The following FGFR1 variants were observed in gnomAD, a reference collection of about 807,000 sequenced individuals.
FGFR1 encodes fibroblast growth factor receptor 1.
In FGFR1, 18 loss-of-function variants were observed where a neutral mutation model predicts 93.7. The observed-to-expected ratio is 0.19, with a 90% CI of 0.13 to 0.28. The LOEUF (loss-of-function observed/expected upper bound fraction) is 0.28. Ranked by LOEUF, FGFR1 falls within the 10% of genes least tolerant of loss-of-function variation. The pLI is 1.00. For synonymous variants in FGFR1, 448 were observed against 429.3 expected, an observed-to-expected ratio of 1.04 and a Z score of -0.54; for missense variants, 731 against 1,080.4, an observed-to-expected ratio of 0.68 and a Z score of 4.53.
At chr8:38,456,906 A>G (rs554976692) in intron 2 of FGFR1, among the ~76,000 whole-genome samples, 6 of 152,230 alleles carry the variant, frequency 3.9e-5, no homozygotes, top group Admixed American at 3.9e-4. Flanking sequence ...TGGAAGTCAG[A>G]GGTCTTTAGC....
intron 1 of FGFR1, among the ~76,000 whole-genome samples, chr8:38,458,473 G>A (rs1833500102): frequency 6.6e-6 from 1 of 152,048 alleles, no homozygotes; most frequent in African/African-American, 2.4e-5. Context: ...CTCAGGAGGC[G>A]GAGGTTGCAG....
At position 38,417,900 on chromosome 8, in the gene FGFR1, C is replaced by T. The variant is rs1817274467; in HGVS notation, c.1522G>A (p.Val508Met). The change falls in exon 11 of 18, where the codon GTG becomes ATG. Residue 508 changes from valine to methionine, a missense_variant. By Grantham distance (21) the Val-to-Met change is conservative. Around this residue, in one of 10 missense-constraint regions of FGFR1, gnomAD observed 62 missense variants for 99.5 expected, o/e 0.62. Transcript: ENST00000447712. ...IGLDKDKPNR[V>M]TKVAVKMLKS... Reference sequence around the variant, plus strand: ...AACATCTTCACAGCCACTTTGGTCACACGGTTGGGTTTGTCCTTGTCCAGC... The same window carrying T: ...AACATCTTCACAGCCACTTTGGTCATACGGTTGGGTTTGTCCTTGTCCAGC... 4.3e-6 allele frequency: 7 copies of T among 1,614,228 alleles called. No homozygotes were observed. Among genetic ancestry groups the T allele is most frequent in the Non-Finnish European group, 5.9e-6 (7 of 1,180,042 alleles).
At chr8:38,428,226 T>G (rs1821481589) in intron 4 of FGFR1, 120 bp downstream of exon 4, 12 of 1,465,844 alleles carry the variant, frequency 8.2e-6, no homozygotes, top group Non-Finnish European at 1.1e-5. Flanking sequence ...GCCTGGCACT[T>G]AGCAGAACAG....
Position 38,417,400 on chromosome 8 carries a change from T to C in FGFR1, c.1569A>G (p.Lys523=), listed in dbSNP as rs1817056486. The change falls in exon 12 of 18, where the codon AAA becomes AAG. Residue 523 remains lysine, a synonymous_variant. Coordinates refer to ENST00000447712, the MANE Select transcript of FGFR1 (RefSeq NM_023110.3). ...TTTCTGAGATCAGGTCTGACAAGTC[T>C]TTCTCTGTTGCGTCCGCTTTAAAGA... ...VKMLKSDATE[K]DLSDLISEME... 3 of 1,613,880 alleles carry C rather than the reference T, an allele frequency of 1.9e-6. No individual in the cohort carries two copies. The highest frequency in any genetic ancestry group is 2.5e-6 in the Non-Finnish European group (3 of 1,180,008).
At chr8:38,442,076 CG>C (rs1293867141) in intron 2 of FGFR1, among the ~76,000 whole-genome samples, 1 of 152,090 alleles carries the variant, frequency 6.6e-6, no homozygotes, top group Non-Finnish European at 1.5e-5. Flanking sequence ...GCAACTGCCC[CG>C]GATACCCTGG....
intron 2 of FGFR1, among the ~76,000 whole-genome samples, chr8:38,442,814 C>T (rs1827975637): frequency 6.6e-6 from 1 of 152,216 alleles, no homozygotes; most frequent in Non-Finnish European, 1.5e-5. Context: ...CAGGATGTGT[C>T]TTCTGGTCCC....
Position 38,438,980 on chromosome 8 carries a change from G to C in FGFR1, c.92-9032C>G, listed in dbSNP as rs1826391813. 2.0e-5 allele frequency among the ~76,000 whole-genome samples: 3 copies of C among 152,316 alleles called. No individual in the cohort carries two copies. In the South Asian group the frequency reaches 6.2e-4, roughly 32 times the overall value. On this transcript the variant is annotated intron_variant, in intron 2 of 17. Coordinates refer to ENST00000447712, the MANE Select transcript of FGFR1 (RefSeq NM_023110.3). ...TCTCCTGCCCCTGCGAGTCCAGCAG[G>C]CTCGGCTGTCCAAATGTGGCAGGTG...
chr8:38,418,408 A>C, intron 9 of FGFR1, 35 bp from the exon 10 acceptor site: 3 of 1,605,498 alleles, frequency 1.9e-6, no homozygotes, highest in Non-Finnish European at 2.6e-6. Context: ...TAGAGCAAGG[A>C]GGGGGGACGG....
intron 2 of FGFR1, among the ~76,000 whole-genome samples, chr8:38,448,387 C>A (rs1334466234): frequency 1.3e-5 from 2 of 150,538 alleles, no homozygotes; most frequent in African/African-American, 4.9e-5. Context: ...TCAAGTGATT[C>A]TCCTGCTTCA....
chr8:38,452,038 A>G (rs1000586883), intron 2 of FGFR1, among the ~76,000 whole-genome samples: 1 of 152,088 alleles, frequency 6.6e-6, no homozygotes, highest in African/African-American at 2.4e-5. Flanking sequence ...GGAGAGGGAG[A>G]GGGGAGGGAG....
intron 1 of FGFR1, among the ~76,000 whole-genome samples, chr8:38,466,899 C>CAG (rs1835660905): frequency 2.7e-5 from 4 of 150,316 alleles, no homozygotes; most frequent in African/African-American, 7.5e-5. Context: ...CACCCCACCC[C>CAG]CCCCCCACCA....
intron 13 of FGFR1, among the ~76,000 whole-genome samples, chr8:38,415,561 G>T (rs1816204244): frequency 6.6e-6 from 1 of 151,418 alleles, no homozygotes; most frequent in African/African-American, 2.4e-5. Context: ...CTTGGCCACT[G>T]CACCCAGCTG....
At chr8:38,442,370 TG>T (rs1827808188) in intron 2 of FGFR1, among the ~76,000 whole-genome samples, 1 of 151,392 alleles carries the variant, frequency 6.6e-6, no homozygotes, top group Non-Finnish European at 1.5e-5. Flanking sequence ...GTGGTGTGTG[TG>T]TGTGTGTGTG....
At chr8:38,417,794 T>C (rs2150643318) in intron 11 of FGFR1, 76 bp downstream of exon 11, 1 of 1,608,504 alleles carries the variant, frequency 6.2e-7, no homozygotes, top group Admixed American at 1.7e-5. Context: ...AGAGAAGCTG[T>C]TCTGCTGGGC....
chr8:38,418,675 T>C, intron 9 of FGFR1: 1 of 456,616 alleles, frequency 2.2e-6, no homozygotes, highest in Non-Finnish European at 4.0e-6. Flanking sequence ...TCTGTTCTCC[T>C]GACTCTTTGC....
chr8:38,461,634 G>T (rs2151433448), intron 1 of FGFR1, among the ~76,000 whole-genome samples: 1 of 152,164 alleles, frequency 6.6e-6, no homozygotes, highest in East Asian at 1.9e-4. Context: ...TTGTCCGCTG[G>T]AGACAGTATG....
chr8:38,427,607 T>C (rs1821252984), intron 5 of FGFR1, among the ~76,000 whole-genome samples: 1 of 152,188 alleles, frequency 6.6e-6, no homozygotes, highest in Admixed American at 6.5e-5. Flanking sequence ...AATAATGGAA[T>C]CTTATACAGT....
chr8:38,425,882 C>T, intron 6 of FGFR1: 1 of 577,218 alleles, frequency 1.7e-6, no homozygotes, highest in East Asian at 3.1e-5. Flanking sequence ...CTCTGAACAG[C>T]ACCTTCAATT....
chr8:38,418,044 T>C (rs1260615188), intron 10 of FGFR1, 53 bp from the exon 11 acceptor site: 1 of 1,613,010 alleles, frequency 6.2e-7, no homozygotes. Flanking sequence ...AGTTCAAACC[T>C]TGAGAGGCAC....
Sources: gnomAD v4.1 joint callset for allele counts (sites outside exome capture counted in the v4.1 genomes callset) on GRCh38, gnomAD v4.1.1 for gene constraint, gnomAD v4.1.1 regional missense constraint, MANE v1.5 for transcripts, NCBI Gene and HGNC (gene_info 2026-07-23, HGNC 2026-07-21) for gene names.